The following KLHL1 variants were observed in gnomAD, a reference collection of about 807,000 sequenced individuals.
KLHL1 encodes kelch-like protein 1.
KLHL1 carries 47 observed loss-of-function variants against 77.7 expected under a neutral mutation model. That is an observed-to-expected ratio of 0.60 (90% CI 0.48 to 0.77). The LOEUF (loss-of-function observed/expected upper bound fraction) is 0.77, where lower values mean the gene tolerates loss of function less well. Among genes scored for constraint, KLHL1 ranks in the 30% least tolerant of loss-of-function variants. The pLI, the probability that KLHL1 is intolerant of heterozygous loss-of-function variation, is 0.00. For missense variants in KLHL1, 925 were observed against 910.8 expected (o/e 1.02, Z -0.20); for synonymous variants, 360 against 325.2 (o/e 1.11, Z -1.15).
At chr13:70,025,936 A>G (rs1328652288) in intron 1 of KLHL1, among the ~76,000 whole-genome samples, 2 of 152,074 alleles carry the variant, frequency 1.3e-5, no homozygotes, top group Admixed American at 6.6e-5. Context: ...TCCCCAAAGC[A>G]TTGACTCAGG....
chr13:70,102,761 T>G (rs1307844300), intron 1 of KLHL1, among the ~76,000 whole-genome samples: 1 of 152,216 alleles, frequency 6.6e-6, no homozygotes, highest in Non-Finnish European at 1.5e-5. Context: ...TGTAGCAGGA[T>G]TATAAGATGT....
chr13:70,105,213 T>C (rs1593748153), intron 1 of KLHL1, among the ~76,000 whole-genome samples: 1 of 152,154 alleles, frequency 6.6e-6, no homozygotes, highest in East Asian at 1.9e-4. Context: ...CACAACTCTT[T>C]GTGAATAAAA....
At chr13:69,939,664 C>T (rs554206757) in intron 4 of KLHL1, among the ~76,000 whole-genome samples, 15 of 152,092 alleles carry the variant, frequency 9.9e-5, no homozygotes, top group African/African-American at 3.6e-4. Flanking sequence ...CATAAAGAAG[C>T]TTCCTGAATG....
intron 1 of KLHL1, among the ~76,000 whole-genome samples, chr13:70,091,968 G>C (rs935019456): frequency 2.6e-5 from 4 of 152,058 alleles, no homozygotes; most frequent in African/African-American, 9.7e-5. Context: ...GTGTAGTGGG[G>C]AACATCTACC....
chr13:69,783,460 C>CCAAAG (rs1206040550), intron 7 of KLHL1, among the ~76,000 whole-genome samples: 5 of 151,996 alleles, frequency 3.3e-5, no homozygotes, highest in Non-Finnish European at 7.4e-5. Context: ...ACTAGAATAA[C>CCAAAG]CAAAGCAGAG....
intron 5 of KLHL1, among the ~76,000 whole-genome samples, chr13:69,844,126 C>T (rs1879367774): frequency 6.6e-6 from 1 of 151,160 alleles, no homozygotes; most frequent in African/African-American, 2.4e-5. Context: ...ATCATCAACT[C>T]TATGTGCCTA....
intron 6 of KLHL1, among the ~76,000 whole-genome samples, chr13:69,808,063 T>C (rs1426582239): frequency 2.0e-5 from 3 of 151,988 alleles, no homozygotes; most frequent in African/African-American, 7.2e-5. Context: ...AAAATGCAAG[T>C]ATAACACCAG....
intron 5 of KLHL1, among the ~76,000 whole-genome samples, chr13:69,881,642 CTAAGT>C (rs1164412190): frequency 2.6e-5 from 4 of 152,280 alleles, no homozygotes; most frequent in African/African-American, 9.6e-5. Flanking sequence ...CACTCTTCTT[CTAAGT>C]TGAGTGAACT....
intron 4 of KLHL1, among the ~76,000 whole-genome samples, chr13:69,916,822 T>C (rs981155640): frequency 1.3e-5 from 2 of 151,890 alleles, no homozygotes; most frequent in South Asian, 2.1e-4. Context: ...CATATATAAA[T>C]ATAATTGGTA....
intron 6 of KLHL1, among the ~76,000 whole-genome samples, chr13:69,809,163 G>T (rs575131791): frequency 1.3e-5 from 2 of 152,074 alleles, no homozygotes; most frequent in East Asian, 3.9e-4. Flanking sequence ...AAATATTTCC[G>T]CAATCTTCCT....
chr13:69,849,634 G>GT (rs1170246233), intron 5 of KLHL1, among the ~76,000 whole-genome samples: 1 of 151,276 alleles, frequency 6.6e-6, no homozygotes, highest in Non-Finnish European at 1.5e-5. Context: ...TCAACATTTA[G>GT]TTTTATCAGT....
intron 6 of KLHL1, among the ~76,000 whole-genome samples, chr13:69,825,101 T>C (rs1419066829): frequency 6.6e-6 from 1 of 152,114 alleles, no homozygotes; most frequent in Non-Finnish European, 1.5e-5. Flanking sequence ...AGAATATGGA[T>C]GTTAACTGTA....
intron 7 of KLHL1, among the ~76,000 whole-genome samples, chr13:69,754,099 C>T (rs1237573622): frequency 2.0e-5 from 3 of 151,916 alleles, no homozygotes; most frequent in Non-Finnish European, 2.9e-5. Context: ...GCCTCAGCCT[C>T]CCAAAATGCT....
At chr13:70,023,833 C>G (rs1885863877) in intron 1 of KLHL1, among the ~76,000 whole-genome samples, 1 of 151,862 alleles carries the variant, frequency 6.6e-6, no homozygotes, top group South Asian at 2.1e-4. Flanking sequence ...ACATTTTTGG[C>G]AACTCTGTGG....
chr13:70,059,968 T>C (rs1886838786), intron 1 of KLHL1, among the ~76,000 whole-genome samples: 1 of 152,096 alleles, frequency 6.6e-6, no homozygotes, highest in African/African-American at 2.4e-5. Flanking sequence ...TCCTCCAATA[T>C]TGGGAATTGT....
At chr13:69,875,410 C>T (rs1349799067) in intron 5 of KLHL1, among the ~76,000 whole-genome samples, 4 of 152,024 alleles carry the variant, frequency 2.6e-5, no homozygotes, top group Admixed American at 1.3e-4. Context: ...AAGAAGTGCT[C>T]ATTGCAGTAG....
intron 1 of KLHL1, among the ~76,000 whole-genome samples, chr13:70,061,784 T>G (rs12853326): frequency 0.3 from 45,722 of 152,082 alleles, 8,450 homozygotes; most frequent in South Asian, 0.49. Flanking sequence ...TATTTATTTT[T>G]GGCTTATCTT....
chr13:69,760,419 G>T (rs923834386), intron 7 of KLHL1, among the ~76,000 whole-genome samples: 1 of 151,978 alleles, frequency 6.6e-6, no homozygotes, highest in African/African-American at 2.4e-5. Flanking sequence ...GCAAGAGCAT[G>T]ATCTCAGCTC....
chr13:70,021,876 T>C (rs188843520), intron 1 of KLHL1, among the ~76,000 whole-genome samples: 1 of 152,194 alleles, frequency 6.6e-6, no homozygotes, highest in East Asian at 1.9e-4. Context: ...AAGGGTTCTT[T>C]GTATATTTTA....
Sources: allele counts gnomAD v4.1 joint callset (sites outside exome capture counted in the v4.1 genomes callset), GRCh38; gene constraint gnomAD v4.1.1; transcripts MANE v1.5; gene names NCBI Gene and HGNC (gene_info 2026-07-23, HGNC 2026-07-21).